EXT1: variants seen among roughly 807,000 people sequenced by gnomAD.
EXT1 encodes the protein exostosin glycosyltransferase 1, also known as exostosin-1.
In EXT1, 20 loss-of-function variants were observed where a neutral mutation model predicts 82.5. That is an observed-to-expected ratio of 0.24 (90% confidence interval 0.17 to 0.35). The LOEUF is 0.35. EXT1 is among the 10% of genes least tolerant of loss of function. The pLI, the probability that EXT1 is intolerant of heterozygous loss-of-function variation, is 1.00. For missense variants in EXT1, 757 were observed against 936.5 expected, an observed-to-expected ratio of 0.81 and a Z score of 2.50; for synonymous variants, 348 against 350.8, an observed-to-expected ratio of 0.99 and a Z score of 0.09.
At chr8:118,067,169 C>G (rs1817003592) in intron 1 of EXT1, among the ~76,000 whole-genome samples, 1 of 152,216 alleles carries the variant, frequency 6.6e-6, no homozygotes, top group Non-Finnish European at 1.5e-5. Flanking sequence ...ACTCTCAAGT[C>G]TAAACTTCAA....
At chr8:118,024,307 A>G (rs1017148281) in intron 1 of EXT1, among the ~76,000 whole-genome samples, 1 of 152,196 alleles carries the variant, frequency 6.6e-6, no homozygotes, top group Non-Finnish European at 1.5e-5. Context: ...ACAAAAAGAA[A>G]ATACCTAAGG....
At chr8:118,031,545 A>AT (rs996013361) in intron 1 of EXT1, among the ~76,000 whole-genome samples, 9 of 151,740 alleles carry the variant, frequency 5.9e-5, no homozygotes, top group Admixed American at 4.6e-4. Context: ...AAATTCAAAT[A>AT]TTTTTTTCAA....
chr8:117,896,977 C>CA (rs1382549390), intron 1 of EXT1, among the ~76,000 whole-genome samples: 4 of 152,144 alleles, frequency 2.6e-5, no homozygotes, highest in Admixed American at 2.6e-4. Context: ...CCTTCACCCC[C>CA]ACTTGCTCAG....
At chr8:117,811,326 C>T (rs1823319654) in intron 8 of EXT1, among the ~76,000 whole-genome samples, 1 of 152,036 alleles carries the variant, frequency 6.6e-6, no homozygotes, top group Admixed American at 6.6e-5. Context: ...TGACCTGTAC[C>T]CTGTATTCCA....
At chr8:118,043,630 G>C (rs956819992) in intron 1 of EXT1, among the ~76,000 whole-genome samples, 1 of 152,206 alleles carries the variant, frequency 6.6e-6, no homozygotes, top group African/African-American at 2.4e-5. Context: ...AATTGCAAGG[G>C]ATTTGGGAGC....
intron 1 of EXT1, among the ~76,000 whole-genome samples, chr8:117,862,139 T>A (rs1240678564): frequency 1.4e-5 from 2 of 145,848 alleles, no homozygotes; most frequent in African/African-American, 4.9e-5. Context: ...GATAATAAAG[T>A]GTGATACAAA....
intron 1 of EXT1, among the ~76,000 whole-genome samples, chr8:118,035,161 G>A (rs1252755855): frequency 6.6e-6 from 1 of 152,172 alleles, no homozygotes; most frequent in East Asian, 1.9e-4. Flanking sequence ...GGGCAAGTTA[G>A]AACCATGCAT....
Position 117,896,056 on chromosome 8 carries a change from C to T in EXT1, c.963-58855G>A, listed in dbSNP as rs144671016. 2.1e-3 allele frequency among the ~76,000 whole-genome samples: 320 copies of T among 152,288 alleles called. 1 individual carries two copies. Among genetic ancestry groups the T allele is most frequent in the African/African-American group, 7.1e-3 (296 of 41,564 alleles). ...GAGAAGGTCATGCATGTATATTTTA[C>T]CTGGAACCTCACAAGAATTGATAAC... On this transcript the variant is annotated intron_variant, in intron 1 of 10. Transcript: ENST00000378204.
chr8:118,027,341 ACACACACAC>A (rs1816221080), intron 1 of EXT1, among the ~76,000 whole-genome samples: 2 of 151,832 alleles, frequency 1.3e-5, no homozygotes, highest in Admixed American at 1.3e-4. Context: ...ACACACACAC[ACACACACAC>A]ACACAATCGC....
chr8:117,839,970 T>C (rs968873447), intron 1 of EXT1, among the ~76,000 whole-genome samples: 2 of 152,264 alleles, frequency 1.3e-5, no homozygotes, highest in Non-Finnish European at 2.9e-5. Context: ...CTGGGAGTAT[T>C]TGCATTATAA....
chr8:118,107,866 G>C (rs1454784582), intron 1 of EXT1, among the ~76,000 whole-genome samples: 1 of 152,178 alleles, frequency 6.6e-6, no homozygotes, highest in African/African-American at 2.4e-5. Flanking sequence ...CAAGTTTAGG[G>C]CTGGAAGGTA....
intron 1 of EXT1, among the ~76,000 whole-genome samples, chr8:117,931,315 G>T (rs1211074077): frequency 6.6e-6 from 1 of 152,054 alleles, no homozygotes; most frequent in African/African-American, 2.4e-5. Context: ...TACATTTCCT[G>T]TATATACTCA....
chr8:117,976,583 TGA>T (rs1815070138), intron 1 of EXT1, among the ~76,000 whole-genome samples: 1 of 152,208 alleles, frequency 6.6e-6, no homozygotes, highest in Non-Finnish European at 1.5e-5. Flanking sequence ...AATTACTGAC[TGA>T]GAGAATGCAT....
At chr8:118,109,128 T>G (rs957892614) in intron 1 of EXT1, among the ~76,000 whole-genome samples, 2 of 152,274 alleles carry the variant, frequency 1.3e-5, no homozygotes, top group Admixed American at 6.5e-5. Context: ...AAATCCCGTG[T>G]CAGTTACTGT....
At chr8:118,082,961 C>T (rs1381376040) in intron 1 of EXT1, among the ~76,000 whole-genome samples, 2 of 152,204 alleles carry the variant, frequency 1.3e-5, no homozygotes, top group East Asian at 3.8e-4. Flanking sequence ...ACTGATTACA[C>T]TCTCTTCCAA....
rs762218262 is a variant in EXT1 at position 117,812,899 on chromosome 8, G to C, written c.1695C>G (p.Asp565Glu). Residue 565 changes from aspartate (D) to glutamate (E), a missense_variant, in exon 8 of 11, where the codon GAC (aspartate) becomes GAG (glutamate). Physicochemically the swap from Asp to Glu is conservative, Grantham distance 45. Around this residue, in one of 4 missense-constraint regions of EXT1, gnomAD observed 207 missense variants for 224.2 expected, o/e 0.92. Coordinates refer to ENST00000378204, the MANE Select transcript of EXT1 (RefSeq NM_000127.3). ...NIITDAVLSL[D>E]EDTVLSTTEV... Reference sequence around the variant, plus strand: ...CTGTTGTTGAAAGCACCGTGTCCTCGTCAAGGCTGAGCACGGCGTCTGTGA... The same window carrying C: ...CTGTTGTTGAAAGCACCGTGTCCTCCTCAAGGCTGAGCACGGCGTCTGTGA... 6.2e-7 allele frequency: 1 copy of C among 1,614,046 alleles called. No individual in the cohort carries two copies. Among genetic ancestry groups the C allele is most frequent in the Non-Finnish European group, 8.5e-7 (1 of 1,179,986 alleles).
intron 1 of EXT1, among the ~76,000 whole-genome samples, chr8:117,910,073 C>A (rs10107685): frequency 0.11 from 17,183 of 152,140 alleles, 1,237 homozygotes; most frequent in Middle Eastern, 0.18. Flanking sequence ...AGCATTAATT[C>A]TTTTACAAGC....
At chr8:117,876,811 A>T (rs934837428) in intron 1 of EXT1, among the ~76,000 whole-genome samples, 16 of 152,194 alleles carry the variant, frequency 1.1e-4, no homozygotes, top group African/African-American at 3.1e-4. Context: ...TTCCACAGAT[A>T]TTTACGGAAG....
At chr8:117,866,110 A>T (rs541607036) in intron 1 of EXT1, among the ~76,000 whole-genome samples, 1 of 152,276 alleles carries the variant, frequency 6.6e-6, no homozygotes, top group East Asian at 1.9e-4. Flanking sequence ...CTGTAATCCC[A>T]GCTACTCAGG....
Sources: allele counts gnomAD v4.1 joint callset (sites outside exome capture counted in the v4.1 genomes callset), GRCh38; gene constraint gnomAD v4.1.1; regional missense constraint gnomAD v4.1.1; transcripts MANE v1.5; gene names NCBI Gene and HGNC (gene_info 2026-07-23, HGNC 2026-07-21).